ABCC8: variants seen among roughly 807,000 people sequenced by gnomAD.
ABCC8 encodes the protein ATP binding cassette subfamily C member 8, also known as ATP-binding cassette sub-family C member 8.
A neutral mutation model predicts 188.0 loss-of-function variants in ABCC8; 137 were observed. The ratio of observed to expected loss-of-function variants is 0.73; its 90% CI spans 0.63 to 0.84. ABCC8 has a LOEUF of 0.84. ABCC8 is among the 40% of genes least tolerant of loss of function. The pLI is 0.00. For synonymous variants in ABCC8, 797 were observed against 846.5 expected (o/e 0.94, Z 1.01); for missense variants, 1,750 against 2,072.7 (o/e 0.84, Z 3.02).
At chr11:17,463,341 G>T in intron 4 of ABCC8, 97 bp downstream of exon 4, 1 of 1,074,906 alleles carries the variant, frequency 9.3e-7, no homozygotes, top group Non-Finnish European at 1.4e-6. Context: ...TCCCTTCTCA[G>T]TTTGGCTGAG....
chr11:17,428,783 C>T (rs1219357043), intron 12 of ABCC8, 113 bp from the exon 13 acceptor site: 2 of 1,536,848 alleles, frequency 1.3e-6, no homozygotes, highest in African/African-American at 2.7e-5. Flanking sequence ...AGTATAGTCC[C>T]ACAAAGCCCA....
Position 17,435,623 on chromosome 11 carries a change from G to A in ABCC8, c.1631-3379C>T, listed in dbSNP as rs796412216. 3 of 1,397,812 alleles carry A rather than the reference G, an allele frequency of 2.1e-6. No individual in the cohort carries two copies. In the South Asian group the frequency reaches 3.5e-5, roughly 16 times the overall value. 86.6% of individuals were successfully genotyped at this position (1,397,812 alleles called of 1,614,324 possible). On this transcript the variant is annotated intron_variant, in intron 10 of 38. Transcript: ENST00000389817. ...AGATAAAAGTGAGAAACAGAAAGAT[G>A]GGTGAATGTAATAATGTGTAGGAAG...
chr11:17,440,158 C>T (rs1956258079), intron 10 of ABCC8, among the ~76,000 whole-genome samples: 1 of 152,192 alleles, frequency 6.6e-6, no homozygotes, highest in Non-Finnish European at 1.5e-5. Context: ...AGTGCCCCCA[C>T]TTTCCTTGTT....
intron 10 of ABCC8, among the ~76,000 whole-genome samples, chr11:17,441,611 C>T (rs1272933437): frequency 6.6e-6 from 1 of 152,058 alleles, no homozygotes; most frequent in Admixed American, 6.6e-5. Context: ...ATATCTACAT[C>T]CCAATTATGC....
chr11:17,453,653 C>A (rs114035648), intron 6 of ABCC8, among the ~76,000 whole-genome samples: 1 of 152,314 alleles, frequency 6.6e-6, no homozygotes, highest in East Asian at 1.9e-4. Context: ...ACAAGTCTCA[C>A]GGTGCATGTT....
rs17846760 is a variant in ABCC8, at chr11:17,398,070, G to T, written c.3753+269C>A. ...TGGCCCACAAACACACACAATGTGG[G>T]TGTCATATGACCCACTGCAGATACA... On this transcript the variant is annotated intron_variant, in intron 30 of 38. Transcript: ENST00000389817. Among the ~76,000 whole-genome samples, 9,313 of 152,252 alleles carry T rather than the reference G, an allele frequency of 0.061. 461 individuals carry two copies. Among genetic ancestry groups the T allele is most frequent in the Admixed American group, 0.15 (2,361 of 15,294 alleles).
chr11:17,461,841 G>T lies in ABCC8; in HGVS notation c.580-16C>A. On this transcript the variant is annotated splice_polypyrimidine_tract_variant and intron_variant, in intron 4 of 38. Transcript: ENST00000389817. Reference sequence around the variant, plus strand: ...AGATGTATCTCTGTGGGGCACATGGGCCATGGGGGATGGGTAAGTCCAACT... The same window carrying T: ...AGATGTATCTCTGTGGGGCACATGGTCCATGGGGGATGGGTAAGTCCAACT... 6.2e-7 allele frequency: 1 copy of T among 1,613,550 alleles called. No individual in the cohort carries two copies. Among genetic ancestry groups the T allele is most frequent in the Non-Finnish European group, 8.5e-7 (1 of 1,179,994 alleles).
intron 3 of ABCC8, 38 bp from the exon 4 acceptor site, chr11:17,463,642 G>A (rs1465179650): frequency 6.4e-7 from 1 of 1,555,442 alleles, no homozygotes; most frequent in Non-Finnish European, 8.7e-7. Flanking sequence ...AGACGTGTGT[G>A]CATCATGTGT....
intron 16 of ABCC8, among the ~76,000 whole-genome samples, chr11:17,417,772 A>T (rs1955153153): frequency 6.6e-6 from 1 of 152,160 alleles, no homozygotes; most frequent in Non-Finnish European, 1.5e-5. Flanking sequence ...TCTCTCAGAC[A>T]GGGTTTCACT....
In ABCC8 at chr11:17,396,074, A is replaced by G. The variant is rs143751658; in HGVS notation, c.4120-144T>C. 5.6e-5 allele frequency: 84 copies of G among 1,501,250 alleles called. No homozygotes were observed. In the African/African-American group the frequency reaches 9.4e-4, roughly 17 times the overall value. The allele number at this position is 1,501,250 out of a possible 1,614,324, so 93.0% of individuals were successfully genotyped here. ...TTTTCTGACTAGTTTCTCTTTGGAC[A>G]CCACAGGTTTGGGCTTGTTTCCTGC... On this transcript the variant is annotated intron_variant, in intron 33 of 38. Coordinates refer to ENST00000389817, the MANE Select transcript of ABCC8 (RefSeq NM_000352.6).
chr11:17,417,609 C>A (rs542468256), intron 16 of ABCC8, among the ~76,000 whole-genome samples: 8 of 152,256 alleles, frequency 5.3e-5, no homozygotes, highest in African/African-American at 1.9e-4. Context: ...CCAGAAGCAG[C>A]CCCTTGCCAA....
chr11:17,399,734 C>A (rs910309030), intron 29 of ABCC8, among the ~76,000 whole-genome samples: 1 of 152,212 alleles, frequency 6.6e-6, no homozygotes, highest in Non-Finnish European at 1.5e-5. Context: ...CACCAATATA[C>A]CCCAGCACCT....
rs540731860 is a variant in ABCC8, at chr11:17,447,964, G to C, written c.1332+552C>G. ...AAATGTATACATAACATATATTCCAGTTTAGTAGTAAGCATACAACATATA... is the reference window on the plus strand; with the variant it reads ...AAATGTATACATAACATATATTCCACTTTAGTAGTAAGCATACAACATATA... On this transcript the variant is annotated intron_variant, in intron 8 of 38. Transcript: ENST00000389817. 7.2e-5 allele frequency among the ~76,000 whole-genome samples: 11 copies of C among 152,218 alleles called. No homozygotes were observed. The South Asian group carries it at 1.9e-3, about 26-fold the overall frequency.
chr11:17,431,525 T>A (rs899585709), intron 11 of ABCC8, among the ~76,000 whole-genome samples: 3 of 152,232 alleles, frequency 2.0e-5, no homozygotes, highest in Non-Finnish European at 4.4e-5. Flanking sequence ...AGCAGATCTT[T>A]TTAAGGAACT....
chr11:17,410,805 C>T (rs2133462288), intron 21 of ABCC8, 152 bp from the exon 22 acceptor site: 3 of 1,287,812 alleles, frequency 2.3e-6, no homozygotes, highest in East Asian at 4.9e-5. Context: ...CACCCAACCT[C>T]TCTGGGCCTT....
chr11:17,421,136 G>GC (rs1376931410), intron 16 of ABCC8, among the ~76,000 whole-genome samples: 1 of 152,222 alleles, frequency 6.6e-6, no homozygotes, highest in Non-Finnish European at 1.5e-5. Flanking sequence ...CTCCCCAAGG[G>GC]CAGGTGCTAG....
intron 26 of ABCC8, 68 bp downstream of exon 26, chr11:17,406,554 T>A (rs1320983909): frequency 2.0e-6 from 3 of 1,483,790 alleles, no homozygotes; most frequent in African/African-American, 2.8e-5. Flanking sequence ...ATTTTATAGA[T>A]GGGAAGACTA....
intron 4 of ABCC8, among the ~76,000 whole-genome samples, chr11:17,462,524 T>C (rs1322473221): frequency 6.6e-6 from 1 of 152,198 alleles, no homozygotes; most frequent in Non-Finnish European, 1.5e-5. Context: ...CACAGACCCT[T>C]TGACCCAGCA....
chr11:17,411,300 C>T (rs533448480), intron 21 of ABCC8, among the ~76,000 whole-genome samples: 13 of 152,280 alleles, frequency 8.5e-5, no homozygotes, highest in African/African-American at 2.9e-4. Context: ...ACAGAGTAGA[C>T]GCTTCATAAA....
Sources: gnomAD v4.1 joint callset for allele counts (sites outside exome capture counted in the v4.1 genomes callset) on GRCh38, gnomAD v4.1.1 for gene constraint, MANE v1.5 for transcripts, NCBI Gene and HGNC (gene_info 2026-07-23, HGNC 2026-07-21) for gene names.